Variants in KCNMA1 observed in about 807,000 individuals in gnomAD.
The protein encoded by KCNMA1 is Calcium-activated potassium channel subunit alpha-1.
A neutral mutation model predicts 140.0 loss-of-function variants in KCNMA1; 29 were observed. That is an observed-to-expected ratio of 0.21 (90% CI 0.15 to 0.28). The LOEUF (loss-of-function observed/expected upper bound fraction) is 0.28. Ranked by LOEUF, KCNMA1 falls within the 10% of genes least tolerant of loss-of-function variation. KCNMA1 has a pLI of 1.00. For synonymous variants in KCNMA1, 612 were observed against 611.9 expected, an observed-to-expected ratio of 1.00 and a Z score of 0.00; for missense variants, 880 against 1,602.2, an observed-to-expected ratio of 0.55 and a Z score of 7.70.
chr10:76,894,495 A>T (rs1362481830), intron 25 of KCNMA1, among the ~76,000 whole-genome samples: 4 of 152,226 alleles, frequency 2.6e-5, no homozygotes, highest in Non-Finnish European at 5.9e-5. Flanking sequence ...ATAAAAATTT[A>T]AAAAATATTT....
chr10:77,495,430 T>C (rs1212538293), intron 1 of KCNMA1, among the ~76,000 whole-genome samples: 1 of 152,170 alleles, frequency 6.6e-6, no homozygotes, highest in Non-Finnish European at 1.5e-5. Context: ...ACCTTCCTGG[T>C]CTAAAGGCCC....
intron 5 of KCNMA1, among the ~76,000 whole-genome samples, chr10:77,161,603 G>C (rs558025786): frequency 6.6e-6 from 1 of 152,262 alleles, no homozygotes; most frequent in South Asian, 2.1e-4. Context: ...AGAAAAGTCA[G>C]GCACACTAGG....
chr10:76,916,566 A>C (rs910111359), intron 23 of KCNMA1, among the ~76,000 whole-genome samples: 2 of 152,234 alleles, frequency 1.3e-5, no homozygotes, highest in Admixed American at 1.3e-4. Context: ...ATTCACACTC[A>C]CTTCGGTTTC....
chr10:77,054,842 C>G (rs1309053704), intron 14 of KCNMA1, among the ~76,000 whole-genome samples: 2 of 152,116 alleles, frequency 1.3e-5, no homozygotes, highest in Non-Finnish European at 2.9e-5. Flanking sequence ...TCTAAATCAG[C>G]CAAATGAGTT....
chr10:77,396,313 G>C (rs1007457439), intron 2 of KCNMA1, among the ~76,000 whole-genome samples: 1 of 152,134 alleles, frequency 6.6e-6, no homozygotes, highest in Non-Finnish European at 1.5e-5. Flanking sequence ...ATAGATGAGG[G>C]GGGTGAGAGA....
chr10:77,085,998 A>C (rs1342847349), intron 11 of KCNMA1, among the ~76,000 whole-genome samples: 1 of 152,156 alleles, frequency 6.6e-6, no homozygotes, highest in Non-Finnish European at 1.5e-5. Context: ...TTAGTTTTAC[A>C]CCCTGCGTCT....
intron 1 of KCNMA1, among the ~76,000 whole-genome samples, chr10:77,630,095 A>G (rs552500989): frequency 2.6e-5 from 4 of 152,302 alleles, no homozygotes; most frequent in Admixed American, 1.3e-4. Flanking sequence ...CTCCACGGGC[A>G]GCTCTTCAGC....
At chr10:77,435,918 G>A (rs1341914658) in intron 1 of KCNMA1, among the ~76,000 whole-genome samples, 1 of 152,192 alleles carries the variant, frequency 6.6e-6, no homozygotes, top group Non-Finnish European at 1.5e-5. Flanking sequence ...GATGAACCAT[G>A]GGACCCAGAT....
intron 19 of KCNMA1, among the ~76,000 whole-genome samples, chr10:76,976,200 C>A (rs748430400): frequency 6.6e-6 from 1 of 152,140 alleles, no homozygotes; most frequent in Admixed American, 6.5e-5. Flanking sequence ...GAGTGCCCAC[C>A]CCATGGTAGG....
intron 25 of KCNMA1, among the ~76,000 whole-genome samples, chr10:76,892,072 G>A (rs905789713): frequency 2.0e-5 from 3 of 152,110 alleles, no homozygotes; most frequent in Non-Finnish European, 4.4e-5. Flanking sequence ...TTCTGGACAC[G>A]TGTAATAAAA....
intron 1 of KCNMA1, among the ~76,000 whole-genome samples, chr10:77,504,476 A>G (rs947735227): frequency 6.6e-6 from 1 of 152,220 alleles, no homozygotes; most frequent in Admixed American, 6.5e-5. Context: ...ACAGCCCTGA[A>G]GGCAGAAAAG....
At chr10:77,499,595 A>G (rs905179940) in intron 1 of KCNMA1, among the ~76,000 whole-genome samples, 3 of 152,182 alleles carry the variant, frequency 2.0e-5, no homozygotes, top group African/African-American at 7.2e-5. Flanking sequence ...TGCAAAACCC[A>G]ACAGCAGGGC....
intron 2 of KCNMA1, among the ~76,000 whole-genome samples, chr10:77,274,969 T>C (rs2066231829): frequency 1.3e-5 from 2 of 152,174 alleles, no homozygotes; most frequent in East Asian, 1.9e-4. Flanking sequence ...TTCGGGCAGA[T>C]TGCCTCCTGT....
intron 1 of KCNMA1, among the ~76,000 whole-genome samples, chr10:77,467,785 G>A (rs140198149): frequency 1.3e-5 from 2 of 152,332 alleles, no homozygotes; most frequent in East Asian, 3.9e-4. Context: ...CAGGGACCAC[G>A]AATTTTGACC....
At chr10:77,301,911 G>A (rs1295164342) in intron 2 of KCNMA1, among the ~76,000 whole-genome samples, 2 of 151,104 alleles carry the variant, frequency 1.3e-5, no homozygotes, top group African/African-American at 4.9e-5. Context: ...GAGAGCCTAT[G>A]GGGACTCAAA....
chr10:77,261,858 C>T (rs567478842), intron 2 of KCNMA1, among the ~76,000 whole-genome samples: 5 of 152,238 alleles, frequency 3.3e-5, no homozygotes, highest in South Asian at 2.1e-4. Flanking sequence ...GCTGGTGGAG[C>T]GCTCAAGTTT....
chr10:76,956,229 C>T (rs2068233163), intron 20 of KCNMA1, among the ~76,000 whole-genome samples: 7 of 152,074 alleles, frequency 4.6e-5, no homozygotes, highest in Admixed American at 3.3e-4. Flanking sequence ...GATGATCGAT[C>T]GCCCTTCAAT....
chr10:77,484,339 G>A (rs183406923), intron 1 of KCNMA1, among the ~76,000 whole-genome samples: 6 of 152,328 alleles, frequency 3.9e-5, no homozygotes, highest in Admixed American at 2.0e-4. Context: ...CTGAAAGAAG[G>A]AAGGAGAAAT....
chr10:77,058,093 C>T (rs959142332), intron 14 of KCNMA1, among the ~76,000 whole-genome samples: 3 of 151,656 alleles, frequency 2.0e-5, no homozygotes, highest in Non-Finnish European at 1.5e-5. Flanking sequence ...TCCATGAAAA[C>T]ACCAATCAAA....
Sources: allele counts gnomAD v4.1 joint callset (sites outside exome capture counted in the v4.1 genomes callset), GRCh38; gene constraint gnomAD v4.1.1; transcripts MANE v1.5; gene names NCBI Gene and HGNC (gene_info 2026-07-23, HGNC 2026-07-21).